Variants in RILPL1 observed in about 807,000 individuals in gnomAD.
RILPL1 encodes RILP-like protein 1.
Under a neutral mutation model 50.3 loss-of-function variants are expected in RILPL1, and 33 were observed. That is an observed-to-expected ratio of 0.66 (90% CI 0.50 to 0.88). The LOEUF is 0.88. Among genes scored for constraint, RILPL1 ranks in the 40% least tolerant of loss-of-function variants. The probability of loss-of-function intolerance (pLI) is 0.00; values close to 1 mark genes in which losing one functional copy is unlikely to be tolerated. For synonymous variants in RILPL1, 205 were observed against 228.6 expected (o/e 0.90, Z 0.93); for missense variants, 418 against 542.5 (o/e 0.77, Z 2.28).
chr12:123,520,137 C>T (rs1253376794), intron 2 of RILPL1, among the ~76,000 whole-genome samples: 3 of 152,212 alleles, frequency 2.0e-5, no homozygotes, highest in East Asian at 1.9e-4. Flanking sequence ...AGCTTGAGCA[C>T]GATGTTCACA....
Position 123,485,052 on chromosome 12 carries a change from T to A in RILPL1, c.974+581A>T, listed in dbSNP as rs551187234. On this transcript the variant is annotated intron_variant, in intron 5 of 6. Transcript: ENST00000376874. The surrounding 1 kb of genome is among the most constrained non-coding windows in gnomAD (Gnocchi z 4.0). ...TTTATGCATCTCTTATCTTCCCCACTGGAGCAGGGACCACCTCTGGTGCAT... is the reference window on the plus strand; with the variant it reads ...TTTATGCATCTCTTATCTTCCCCACAGGAGCAGGGACCACCTCTGGTGCAT... 4.1e-4 allele frequency: 177 copies of A among 435,210 alleles called. 4 individuals carry two copies. The highest frequency in any genetic ancestry group is 2.7e-3 in the South Asian group (170 of 63,662). 27.0% of individuals were successfully genotyped at this position (435,210 alleles called of 1,614,324 possible).
chr12:123,480,368 A>G (rs893009280), intron 6 of RILPL1, among the ~76,000 whole-genome samples: 1 of 151,762 alleles, frequency 6.6e-6, no homozygotes, highest in Non-Finnish European at 1.5e-5. Context: ...TTCACCATGT[A>G]GGCCACACTG....
At chr12:123,524,718 G>C (rs1885188770) in intron 1 of RILPL1, among the ~76,000 whole-genome samples, 2 of 152,190 alleles carry the variant, frequency 1.3e-5, no homozygotes, top group South Asian at 4.1e-4. Flanking sequence ...GTCTAATATT[G>C]GCAAATCCAT....
chr12:123,526,416 A>G (rs925010227), intron 1 of RILPL1, among the ~76,000 whole-genome samples: 1 of 152,228 alleles, frequency 6.6e-6, no homozygotes, highest in African/African-American at 2.4e-5. Context: ...GCTGCTTACT[A>G]GCTGACCTTG....
intron 2 of RILPL1, among the ~76,000 whole-genome samples, chr12:123,523,102 C>T (rs1027605926): frequency 2.6e-5 from 4 of 152,198 alleles, no homozygotes; most frequent in African/African-American, 7.2e-5. Context: ...GCCCCACTGC[C>T]GCTCTCCCAG....
intron 4 of RILPL1, among the ~76,000 whole-genome samples, chr12:123,493,230 A>G (rs1412393101): frequency 6.6e-6 from 1 of 152,232 alleles, no homozygotes; most frequent in East Asian, 1.9e-4. Flanking sequence ...TGCTTTGTAA[A>G]GCATTGAGAT....
intron 4 of RILPL1, among the ~76,000 whole-genome samples, chr12:123,495,617 G>A (rs1305026995): frequency 2.0e-5 from 3 of 148,992 alleles, no homozygotes; most frequent in African/African-American, 7.5e-5. Context: ...CTTGTGATCC[G>A]CCTGCCTTGG....
Position 123,522,999 on chromosome 12 carries a change from C to T in RILPL1, c.460+496G>A, listed in dbSNP as rs781719096. On this transcript the variant is annotated intron_variant, in intron 2 of 6. Transcript: ENST00000376874. This position sits in a 1 kb window ranked among gnomAD's most constrained non-coding sequence, Gnocchi z 4.0. ...AATGCAGATATTTGCGTGGCTCACT[C>T]TGTTACTTCATTAGGGTTCAAATGT... Among the ~76,000 whole-genome samples, 1 of 152,134 alleles carries T rather than the reference C, an allele frequency of 6.6e-6. No individual in the cohort carries two copies. The highest frequency in any genetic ancestry group is 1.5e-5 in the Non-Finnish European group (1 of 68,022).
chr12:123,527,677 G>A (rs986628006), intron 1 of RILPL1, among the ~76,000 whole-genome samples: 13 of 152,072 alleles, frequency 8.5e-5, no homozygotes, highest in African/African-American at 1.4e-4. Flanking sequence ...AAAAGAGCTT[G>A]TGAGATGGGG....
intron 6 of RILPL1, chr12:123,473,451 G>C (rs1413034784): frequency 6.6e-6 from 1 of 152,132 alleles, no homozygotes; most frequent in Non-Finnish European, 1.5e-5. Flanking sequence ...GGAGGCGGAG[G>C]TTCCAGTGAG....
chr12:123,475,457 G>A (rs888109736), intron 6 of RILPL1: 3 of 574,294 alleles, frequency 5.2e-6, no homozygotes, highest in Admixed American at 3.0e-5. Flanking sequence ...TGACAGAGCC[G>A]AGAATTCTGA....
At chr12:123,477,143 A>T (rs1381559399) in intron 6 of RILPL1, among the ~76,000 whole-genome samples, 1 of 152,180 alleles carries the variant, frequency 6.6e-6, no homozygotes, top group Non-Finnish European at 1.5e-5. Flanking sequence ...GGGCAGAGGA[A>T]ATGAAGATGA....
intron 6 of RILPL1, among the ~76,000 whole-genome samples, chr12:123,480,529 C>T (rs1371656461): frequency 6.6e-6 from 1 of 152,014 alleles, no homozygotes; most frequent in Non-Finnish European, 1.5e-5. Flanking sequence ...CTCTTGATCT[C>T]CCCCTCCCTC....
rs1430414589 is a variant in RILPL1 at position 123,489,772 on chromosome 12, T to C, written c.802-3967A>G. On this transcript the variant is annotated intron_variant, in intron 4 of 6. Transcript: ENST00000376874. This position sits in a 1 kb window ranked among gnomAD's most constrained non-coding sequence, Gnocchi z 4.0. ...TCTATGCATGGGGTCTTGACGAATA[T>C]GTAGGAGTTCACCAGGAACTCTGGG... Among the ~76,000 whole-genome samples the C allele has an allele frequency of 6.6e-6, 1 of 152,006 alleles. No homozygotes were observed. Among genetic ancestry groups the C allele is most frequent in the East Asian group, 1.9e-4 (1 of 5,192 alleles).
intron 2 of RILPL1, among the ~76,000 whole-genome samples, chr12:123,510,843 CTG>C (rs753072646): frequency 1.6e-4 from 16 of 101,756 alleles, no homozygotes; most frequent in African/African-American, 3.9e-4. Flanking sequence ...TGTGTGAGGT[CTG>C]TGTGTGTGTG....
intron 2 of RILPL1, among the ~76,000 whole-genome samples, chr12:123,510,371 TGTGTGTGTGTGTG>T (rs1415143657): frequency 1.3e-5 from 2 of 151,878 alleles, no homozygotes; most frequent in Non-Finnish European, 2.9e-5. Context: ...GTGTGGTGTG[TGTGTGTGTGTGTG>T]GTGTGTGAGG....
intron 2 of RILPL1, chr12:123,514,060 C>T (rs888889508): frequency 6.6e-6 from 1 of 152,206 alleles, no homozygotes; most frequent in Non-Finnish European, 1.5e-5. Flanking sequence ...ATGGAAGCCA[C>T]CCAAATGTCC....
chr12:123,498,833 C>G lies in RILPL1; in HGVS notation c.580-68G>C. 1.4e-6 allele frequency: 2 copies of G among 1,437,906 alleles called. No homozygotes were observed. The highest frequency in any genetic ancestry group is 1.9e-6 in the Non-Finnish European group (2 of 1,031,128). 89.1% of individuals were successfully genotyped at this position (1,437,906 alleles called of 1,614,324 possible). ...GTAGCTCAGGTTGTACACTGCACAACGGCAAACCATCCATAGGTGTGCCAT... is the reference window on the plus strand; with the variant it reads ...GTAGCTCAGGTTGTACACTGCACAAGGGCAAACCATCCATAGGTGTGCCAT... On this transcript the variant is annotated intron_variant, in intron 3 of 6. Transcript: ENST00000376874. This position sits in a 1 kb window ranked among gnomAD's most constrained non-coding sequence, Gnocchi z 4.3.
At position 123,498,706 on chromosome 12, in the gene RILPL1, C is replaced by T. The variant is rs201273119; in HGVS notation, c.639G>A (p.Thr213=). ...KINHDLRHRV[T]VVEAQGKALI... ...GGGCTTTCCCCTGGGCCTCCACCAC[C>T]GTGACCCGGTGCCGAAGGTCATGGT... is the stretch of plus-strand genomic sequence containing the variant. Residue 213 remains threonine, a synonymous_variant, in exon 4 of 7, where the codon ACG becomes ACA. Coordinates refer to ENST00000376874, the MANE Select transcript of RILPL1 (RefSeq NM_178314.5). This position sits in a 1 kb window ranked among gnomAD's most constrained non-coding sequence, Gnocchi z 4.3. 2.3e-5 allele frequency: 37 copies of T among 1,613,596 alleles called. No individual in the cohort carries two copies. Among genetic ancestry groups the T allele is most frequent in the South Asian group, 9.9e-5 (9 of 91,084 alleles).
Sources: allele counts gnomAD v4.1 joint callset (sites outside exome capture counted in the v4.1 genomes callset), GRCh38; gene constraint gnomAD v4.1.1; non-coding constraint Gnocchi (gnomAD v3.1); transcripts MANE v1.5; gene names NCBI Gene and HGNC (gene_info 2026-07-23, HGNC 2026-07-21).